AGR3: variants seen among roughly 807,000 people sequenced by gnomAD.
The protein encoded by AGR3 is anterior gradient protein 3.
A neutral mutation model predicts 24.5 loss-of-function variants in AGR3; 37 were observed. The ratio of observed to expected loss-of-function variants is 1.51; its 90% CI spans 1.16 to 1.99. The LOEUF is 1.99. Among genes scored for constraint, AGR3 ranks in the 30% most tolerant of loss-of-function variants. The pLI, the probability that AGR3 is intolerant of heterozygous loss-of-function variation, is 0.00. For synonymous variants in AGR3, 75 were observed against 61.6 expected, an observed-to-expected ratio of 1.22 and a Z score of -1.02; for missense variants, 228 against 191.1, an observed-to-expected ratio of 1.19 and a Z score of -1.14.
At chr7:16,877,731 C>T (rs560656459) in intron 2 of AGR3, among the ~76,000 whole-genome samples, 4 of 151,830 alleles carry the variant, frequency 2.6e-5, no homozygotes, top group Admixed American at 6.6e-5. Context: ...GGCATGGTGG[C>T]GGGCGCCTGT....
rs1781600193 is a variant in AGR3 at position 16,859,528 on chromosome 7, G to T, written c.*54C>A. On this transcript the variant is annotated 3_prime_UTR_variant, in exon 8 of 8. Coordinates refer to ENST00000310398, the MANE Select transcript of AGR3 (RefSeq NM_176813.5). ...TTTAGTATTTGTCAATGTGCCAGAG[G>T]TTTTCTTCATGAAATTTGACTTCTT... 4 of 1,239,488 alleles carry T rather than the reference G, an allele frequency of 3.2e-6. No individual in the cohort carries two copies. The highest frequency in any genetic ancestry group is 4.6e-6 in the Non-Finnish European group (4 of 873,612). 76.8% of individuals were successfully genotyped at this position (1,239,488 alleles called of 1,614,324 possible). A position where few individuals can be genotyped will look rare whatever the true frequency, so the allele number is the denominator to read the frequency against.
At chr7:16,873,228 A>G (rs4537217) in intron 3 of AGR3, among the ~76,000 whole-genome samples, 141,952 of 152,248 alleles carry the variant, frequency 0.93, 66,719 homozygotes, top group Non-Finnish European at 1. Flanking sequence ...TAAAGAGAAC[A>G]TGTTATATAT....
At chr7:16,879,673 A>G (rs1437165068) in intron 1 of AGR3, among the ~76,000 whole-genome samples, 4 of 152,230 alleles carry the variant, frequency 2.6e-5, no homozygotes, top group Non-Finnish European at 5.9e-5. Context: ...AAATTTCCTT[A>G]GCCAAAATGG....
rs780164833 is a variant in AGR3, at chr7:16,861,377, T to C, written c.367+7A>G. 1.9e-6 allele frequency: 3 copies of C among 1,599,308 alleles called. No individual in the cohort carries two copies. The highest frequency in any genetic ancestry group is 3.4e-5 in the Admixed American group (2 of 58,124). On this transcript the variant is annotated splice_region_variant and intron_variant, in intron 6 of 7. Transcript: ENST00000310398. ...GTAGATCTGATGAAATGAGATCACA[T>C]ACATACCTACAAACATGATTCTAGG...
At chr7:16,865,214 C>A in intron 3 of AGR3, 1 of 770,452 alleles carries the variant, frequency 1.3e-6, no homozygotes, top group Non-Finnish European at 2.3e-6. Flanking sequence ...ATTTTGACAG[C>A]GTAGCATTTG....
chr7:16,855,654 C>T (rs1781548272), downstream of AGR3, among the ~76,000 whole-genome samples: 2 of 151,976 alleles, frequency 1.3e-5, no homozygotes, highest in Admixed American at 1.3e-4. Context: ...AGATGTTGCG[C>T]AAAAAACAAA....
At chr7:16,880,647 C>T (rs576359987) in intron 1 of AGR3, among the ~76,000 whole-genome samples, 53 of 150,840 alleles carry the variant, frequency 3.5e-4, no homozygotes, top group Middle Eastern at 3.4e-3. Context: ...ACAATTATCA[C>T]GGTGCCTGAT....
intron 3 of AGR3, among the ~76,000 whole-genome samples, chr7:16,871,898 G>A (rs563568158): frequency 6.6e-6 from 1 of 152,076 alleles, no homozygotes; most frequent in South Asian, 2.1e-4. Context: ...TATTAACCAA[G>A]GAGGTGAAAG....
chr7:16,865,960 C>T (rs1781751250), intron 3 of AGR3: 1 of 687,360 alleles, frequency 1.5e-6, no homozygotes, highest in East Asian at 2.7e-5. Context: ...GAGCTTTTTA[C>T]CAGGTTTCAA....
intron 2 of AGR3, 134 bp from the exon 3 acceptor site, chr7:16,873,977 A>G (rs1781935766): frequency 5.6e-6 from 4 of 711,810 alleles, no homozygotes; most frequent in South Asian, 1.7e-5. Flanking sequence ...TATGGTGCAG[A>G]GGACACACAA....
At chr7:16,863,183 T>C (rs1781683251) in intron 3 of AGR3, among the ~76,000 whole-genome samples, 1 of 152,218 alleles carries the variant, frequency 6.6e-6, no homozygotes. Flanking sequence ...ATTAGGTAAT[T>C]CTTATGTACT....
chr7:16,874,333 A>G (rs1197887208), intron 2 of AGR3, among the ~76,000 whole-genome samples: 1 of 152,170 alleles, frequency 6.6e-6, no homozygotes, highest in Non-Finnish European at 1.5e-5. Context: ...GAATTCTGAC[A>G]TGGAAAAAAT....
At chr7:16,854,747 C>T (rs898487776), downstream of AGR3, among the ~76,000 whole-genome samples, 1 of 152,174 alleles carries the variant, frequency 6.6e-6, no homozygotes, top group African/African-American at 2.4e-5. Flanking sequence ...AAGGTGTTGG[C>T]AGGGTTGGTT....
chr7:16,868,346 G>A (rs1044309015), intron 3 of AGR3, among the ~76,000 whole-genome samples: 1 of 151,900 alleles, frequency 6.6e-6, no homozygotes. Flanking sequence ...GTAGAGATGG[G>A]GTTTCTCCAT....
In AGR3 at chr7:16,873,822, C is replaced by G; in HGVS notation, c.131G>C (p.Trp44Ser). 9.9e-6 allele frequency: 16 copies of G among 1,612,924 alleles called. No individual in the cohort carries two copies. The highest frequency in any genetic ancestry group is 1.4e-5 in the Non-Finnish European group (16 of 1,179,242). The change falls in exon 3 of 8, where the codon TGG becomes TCG. Residue 44 changes from tryptophan to serine, a missense_variant. Trp to Ser is a radical substitution (Grantham distance 177). Coordinates refer to ENST00000310398, the MANE Select transcript of AGR3 (RefSeq NM_176813.5). ...LSRGWGDDIT[W>S]VQTYEEGLFY... ...GAGACCTTCTTCATAAGTTTGTACCCAAGTGATGTCATCTCCCCATCCTGA... is the reference window on the plus strand; with the variant it reads ...GAGACCTTCTTCATAAGTTTGTACCGAAGTGATGTCATCTCCCCATCCTGA...
intron 3 of AGR3, among the ~76,000 whole-genome samples, chr7:16,869,523 T>G (rs1174898588): frequency 6.6e-6 from 1 of 152,022 alleles, no homozygotes; most frequent in East Asian, 1.9e-4. Context: ...AGCTTAGGAG[T>G]TTGAGACTAG....
intron 3 of AGR3, among the ~76,000 whole-genome samples, chr7:16,867,615 C>T (rs943231439): frequency 7.9e-5 from 12 of 152,152 alleles, no homozygotes; most frequent in African/African-American, 2.9e-4. Context: ...ATTTATTTCA[C>T]TTAACTGAAA....
At chr7:16,859,384 A>C, downstream of AGR3, 1 of 488,116 alleles carries the variant, frequency 2.0e-6, no homozygotes, top group Non-Finnish European at 3.6e-6. Flanking sequence ...GCTACTGATG[A>C]GGCAGAAATA....
chr7:16,857,494 T>C (rs1764239518), downstream of AGR3, among the ~76,000 whole-genome samples: 1 of 152,172 alleles, frequency 6.6e-6, no homozygotes, highest in African/African-American at 2.4e-5. Flanking sequence ...ACTGCTAACA[T>C]GTTGTTCCTC....
Sources: allele counts gnomAD v4.1 joint callset (sites outside exome capture counted in the v4.1 genomes callset), GRCh38; gene constraint gnomAD v4.1.1; transcripts MANE v1.5; gene names NCBI Gene and HGNC (gene_info 2026-07-23, HGNC 2026-07-21).